The following TRIM24 variants were observed in gnomAD, a reference collection of about 807,000 sequenced individuals.
TRIM24 encodes transcription intermediary factor 1-alpha.
TRIM24 carries 29 observed loss-of-function variants against 123.9 expected under a neutral mutation model. That is an observed-to-expected ratio of 0.23 (90% CI 0.17 to 0.32). The LOEUF (loss-of-function observed/expected upper bound fraction) is 0.32, where lower values mean the gene tolerates loss of function less well. Ranked by LOEUF, TRIM24 falls within the 10% of genes least tolerant of loss-of-function variation. The pLI, the probability that TRIM24 is intolerant of heterozygous loss-of-function variation, is 1.00. For synonymous variants in TRIM24, 456 were observed against 461.1 expected (o/e 0.99, Z 0.14); for missense variants, 932 against 1,295.3 (o/e 0.72, Z 4.31).
chr7:138,498,289 A>G (rs181254353), intron 1 of TRIM24, among the ~76,000 whole-genome samples: 22 of 152,112 alleles, frequency 1.4e-4, no homozygotes, highest in African/African-American at 4.3e-4. Flanking sequence ...CAGTGGTGCA[A>G]TCTTGGCTTA....
At chr7:138,508,718 T>TGTGC (rs1261999447) in intron 2 of TRIM24, among the ~76,000 whole-genome samples, 1 of 133,840 alleles carries the variant, frequency 7.5e-6, no homozygotes, top group Non-Finnish European at 1.7e-5. Context: ...CGTGTGTGTG[T>TGTGC]GCGTGTGTGT....
intron 1 of TRIM24, among the ~76,000 whole-genome samples, chr7:138,477,804 A>C (rs1184817365): frequency 6.6e-6 from 1 of 152,196 alleles, no homozygotes; most frequent in Non-Finnish European, 1.5e-5. Context: ...AGCTTGCAGC[A>C]GGCTTGAAAA....
At chr7:138,569,061 A>C (rs924630167) in intron 10 of TRIM24, among the ~76,000 whole-genome samples, 1 of 152,200 alleles carries the variant, frequency 6.6e-6, no homozygotes, top group African/African-American at 2.4e-5. Context: ...AAAGGACCCA[A>C]GCTTCAGTTT....
intron 1 of TRIM24, among the ~76,000 whole-genome samples, chr7:138,475,031 A>C (rs1795365587): frequency 6.6e-6 from 1 of 152,224 alleles, no homozygotes; most frequent in Non-Finnish European, 1.5e-5. Flanking sequence ...ATTTATGTGA[A>C]TACTTCCTGA....
intron 1 of TRIM24, among the ~76,000 whole-genome samples, chr7:138,488,284 CA>C (rs537327656): frequency 6.4e-4 from 92 of 143,944 alleles, no homozygotes; most frequent in Middle Eastern, 6.9e-3. Flanking sequence ...TTGATCTTTT[CA>C]AAAAAAAAAC....
Position 138,460,597 on chromosome 7 carries a change from G to A in TRIM24, c.49G>A (p.Ala17Thr). Residue 17 changes from alanine (A) to threonine (T), a missense_variant, in exon 1 of 19, where the codon GCT (alanine) becomes ACT (threonine). Transcript: ENST00000343526. ...KAVAAAAAAS[A>T]AASGGPSAAP... Reference sequence around the variant, plus strand: ...GGTGGCGGCGGCGGCAGCGGCCTCGGCTGCGGCCTCCGGGGGGCCCTCGGC... The same window carrying A: ...GGTGGCGGCGGCGGCAGCGGCCTCGACTGCGGCCTCCGGGGGGCCCTCGGC... 1.5e-6 allele frequency: 2 copies of A among 1,341,906 alleles called. No homozygotes were observed. Among genetic ancestry groups the A allele is most frequent in the Non-Finnish European group, 1.9e-6 (2 of 1,056,130 alleles). 83.1% of individuals were successfully genotyped at this position (1,341,906 alleles called of 1,614,324 possible). A position where few individuals can be genotyped will look rare whatever the true frequency, so the allele number is the denominator to read the frequency against.
chr7:138,538,953 C>T (rs1796947646), intron 7 of TRIM24, 150 bp downstream of exon 7: 3 of 656,956 alleles, frequency 4.6e-6, no homozygotes, highest in Non-Finnish European at 4.6e-6. Context: ...AATATTTTTA[C>T]CTGGCATAAT....
chr7:138,580,410 T>A, intron 15 of TRIM24, 152 bp from the exon 16 acceptor site: 1 of 861,472 alleles, frequency 1.2e-6, no homozygotes, highest in Middle Eastern at 2.4e-4. Flanking sequence ...TGGTGCAGTA[T>A]ACCTAGTGGT....
rs753490859 is a variant in TRIM24 at position 138,554,938 on chromosome 7, C to T, written c.1502C>T (p.Pro501Leu). The change falls in exon 9 of 19, where the codon CCC becomes CTC. Residue 501 changes from proline to leucine, a missense_variant. Physicochemically the swap from Pro to Leu is moderately conservative, Grantham distance 98. Coordinates refer to ENST00000343526, the MANE Select transcript of TRIM24 (RefSeq NM_015905.3). The surrounding 1 kb of genome is among the most constrained non-coding windows in gnomAD (Gnocchi z 4.5). ...TTACCAAACCCTAGAATGCAGGGGCCCATCCAGCAACCTTCCATCTCTCAT... is the reference window on the plus strand; with the variant it reads ...TTACCAAACCCTAGAATGCAGGGGCTCATCCAGCAACCTTCCATCTCTCAT... ...VGLPNPRMQGPIQQPSISHQQ... is the reference protein window; with the variant it reads ...VGLPNPRMQGLIQQPSISHQQ... 2.5e-6 allele frequency: 4 copies of T among 1,614,044 alleles called. No individual in the cohort carries two copies. The highest frequency in any genetic ancestry group is 3.4e-6 in the Non-Finnish European group (4 of 1,179,962).
chr7:138,517,105 C>CA (rs72395393), intron 3 of TRIM24, among the ~76,000 whole-genome samples: 396 of 129,958 alleles, frequency 3.0e-3, no homozygotes, highest in Middle Eastern at 8.1e-3. Flanking sequence ...ATCCTGTCTC[C>CA]AAAAAAAAAA....
chr7:138,473,241 C>T (rs548691334), intron 1 of TRIM24, among the ~76,000 whole-genome samples: 70 of 152,204 alleles, frequency 4.6e-4, no homozygotes, highest in Non-Finnish European at 9.1e-4. Context: ...GATCATGCCA[C>T]TGCACTCCAG....
At chr7:138,477,481 T>G (rs1795429083) in intron 1 of TRIM24, among the ~76,000 whole-genome samples, 1 of 152,228 alleles carries the variant, frequency 6.6e-6, no homozygotes, top group South Asian at 2.1e-4. Context: ...TGAACAAATA[T>G]AAGTAACTCT....
intron 2 of TRIM24, among the ~76,000 whole-genome samples, chr7:138,504,959 C>G (rs2116530067): frequency 6.6e-6 from 1 of 151,978 alleles, no homozygotes; most frequent in South Asian, 2.1e-4. Context: ...TGGCATTTCA[C>G]CATGTTGGCC....
intron 13 of TRIM24, 113 bp from the exon 14 acceptor site, chr7:138,577,307 A>T: frequency 1.2e-6 from 1 of 803,862 alleles, no homozygotes; most frequent in Non-Finnish European, 1.8e-6. Flanking sequence ...TGCTGATGTT[A>T]ACATACTTAT....
intron 3 of TRIM24, among the ~76,000 whole-genome samples, chr7:138,516,887 T>C (rs929811691): frequency 2.7e-5 from 4 of 150,692 alleles, no homozygotes; most frequent in African/African-American, 9.8e-5. Context: ...AGTGGGATGA[T>C]TGCCTGAGCC....
At chr7:138,468,075 C>T (rs1795186915) in intron 1 of TRIM24, among the ~76,000 whole-genome samples, 1 of 152,070 alleles carries the variant, frequency 6.6e-6, no homozygotes, top group African/African-American at 2.4e-5. Context: ...GATTTCCTTA[C>T]CTTATTCCTC....
intron 18 of TRIM24, 89 bp from the exon 19 acceptor site, chr7:138,584,653 A>T (rs759137077): frequency 1.4e-4 from 148 of 1,047,902 alleles, no homozygotes; most frequent in Non-Finnish European, 1.9e-4. Flanking sequence ...ACTATGCATG[A>T]ACACTTTTCA....
At position 138,550,935 on chromosome 7, in the gene TRIM24, G is replaced by C. The variant is rs150102143; in HGVS notation, c.1144-128G>C. On this transcript the variant is annotated intron_variant, in intron 7 of 18. Coordinates refer to ENST00000343526, the MANE Select transcript of TRIM24 (RefSeq NM_015905.3). ...TTTTGGAAAGAAAATTGTGTTGTAT[G>C]TCCAACAAACCTATATATGATTGTT... 7.5e-4 allele frequency: 512 copies of C among 678,760 alleles called. 2 individuals carry two copies. In the East Asian group the frequency reaches 0.012, roughly 15 times the overall value. 42.0% of individuals were successfully genotyped at this position (678,760 alleles called of 1,614,324 possible).
At chr7:138,504,742 G>A (rs1197806898) in intron 2 of TRIM24, among the ~76,000 whole-genome samples, 1 of 151,242 alleles carries the variant, frequency 6.6e-6, no homozygotes, top group East Asian at 1.9e-4. Context: ...TTACAGGCGT[G>A]AGCCACCGCA....
Sources: gnomAD v4.1 joint callset for allele counts (sites outside exome capture counted in the v4.1 genomes callset) on GRCh38, gnomAD v4.1.1 for gene constraint, Gnocchi (gnomAD v3.1) non-coding constraint, MANE v1.5 for transcripts, NCBI Gene and HGNC (gene_info 2026-07-23, HGNC 2026-07-21) for gene names.